The following USP50 variants were observed in gnomAD, a reference collection of about 807,000 sequenced individuals.
The protein encoded by USP50 is ubiquitin specific peptidase 50, also known as ubiquitin carboxyl-terminal hydrolase 50.
In USP50, 37 loss-of-function variants were observed where a neutral mutation model predicts 39.2. That is an observed-to-expected ratio of 0.94 (90% CI 0.73 to 1.24). USP50 has a LOEUF of 1.24. Ranked by LOEUF, USP50 falls within the 50% of genes most tolerant of loss-of-function variation. USP50 has a pLI of 0.00. For missense variants in USP50, 374 were observed against 398.2 expected, an observed-to-expected ratio of 0.94 and a Z score of 0.52; for synonymous variants, 139 against 144.5, an observed-to-expected ratio of 0.96 and a Z score of 0.27.
intron 6 of USP50, chr15:50,506,867 A>G (rs1421951289): frequency 1.4e-5 from 2 of 141,644 alleles, no homozygotes; most frequent in Non-Finnish European, 3.0e-5. Context: ...CTGAGGCAGG[A>G]GAATGGCATG....
chr15:50,525,168 G>A (rs2052878582), intron 6 of USP50, among the ~76,000 whole-genome samples: 1 of 152,134 alleles, frequency 6.6e-6, no homozygotes, highest in African/African-American at 2.4e-5. Context: ...AATAAGCCAG[G>A]CACAGAAAGA....
chr15:50,544,352 A>G (rs538123634), intron 2 of USP50, among the ~76,000 whole-genome samples: 2 of 151,844 alleles, frequency 1.3e-5, no homozygotes, highest in Admixed American at 6.6e-5. Flanking sequence ...ACAGAACGAG[A>G]CCCTGGCTCA....
downstream of USP50, among the ~76,000 whole-genome samples, chr15:50,497,973 T>G (rs1460034044): frequency 1.3e-5 from 2 of 152,198 alleles, no homozygotes; most frequent in Non-Finnish European, 2.9e-5. Context: ...TGTGTAAATT[T>G]TTCTAACAAA....
At chr15:50,524,716 A>C (rs1332982235) in intron 6 of USP50, among the ~76,000 whole-genome samples, 1 of 152,344 alleles carries the variant, frequency 6.6e-6, no homozygotes, top group African/African-American at 2.4e-5. Flanking sequence ...AGATTTAAAC[A>C]ACTAAAACTA....
chr15:50,506,052 T>C (rs1419887826), intron 6 of USP50: 1 of 152,236 alleles, frequency 6.6e-6, no homozygotes, highest in East Asian at 1.9e-4. Context: ...TATAAAGATC[T>C]TGATTAACTT....
chr15:50,539,110 T>TG (rs1289505331), intron 4 of USP50, among the ~76,000 whole-genome samples: 1 of 133,928 alleles, frequency 7.5e-6, no homozygotes, highest in African/African-American at 2.7e-5. Flanking sequence ...TTTTTTTGGT[T>TG]TTGTTTTTTT....
chr15:50,529,097 A>G (rs941822329), intron 6 of USP50, among the ~76,000 whole-genome samples: 3 of 152,122 alleles, frequency 2.0e-5, no homozygotes, highest in Non-Finnish European at 4.4e-5. Context: ...GTCGACTTAG[A>G]ACCATAGGGA....
intron 6 of USP50, among the ~76,000 whole-genome samples, chr15:50,514,593 G>A (rs905551452): frequency 6.6e-6 from 1 of 152,002 alleles, no homozygotes; most frequent in African/African-American, 2.4e-5. Flanking sequence ...GTGCAGCGGC[G>A]CGATCTCGGC....
chr15:50,495,017 T>TAAA (rs34381291), intron 1 of USP50, among the ~76,000 whole-genome samples: 2 of 113,512 alleles, frequency 1.8e-5, no homozygotes, highest in African/African-American at 3.3e-5. Flanking sequence ...AGACTCTTTC[T>TAAA]AAAAAAAAAA....
At chr15:50,542,481 A>ATTTTTTTTTTTTTTTTTTTTTTTTTTT (rs11292495) in intron 3 of USP50, among the ~76,000 whole-genome samples, 2 of 97,396 alleles carry the variant, frequency 2.1e-5, no homozygotes, top group East Asian at 3.1e-4. Context: ...TTTCCTTTTC[A>ATTTTTTTTTTTTTTTTTTTTTTTTTTT]TTTTTTTTTT....
Position 50,542,527 on chromosome 15 carries a change from C to A in USP50, c.444+1071G>T, listed in dbSNP as rs886300994. 5.9e-5 allele frequency among the ~76,000 whole-genome samples: 7 copies of A among 118,444 alleles called. 2 individuals are homozygous for A. The Admixed American group carries it at 8.7e-4, about 15-fold the overall frequency. 77.7% of individuals were successfully genotyped at this position (118,444 alleles called of 152,430 possible). On this transcript the variant is annotated intron_variant, in intron 3 of 6. Transcript: ENST00000532404. ...TCTTGGAGACGGAGTCTTGCTCTGT[C>A]GTCCAGGCTGGAGTGCAGTGGCATG...
intron 6 of USP50, among the ~76,000 whole-genome samples, chr15:50,520,305 C>CTT (rs556404133): frequency 0.18 from 26,570 of 144,652 alleles, 3,089 homozygotes; most frequent in East Asian, 0.46. Flanking sequence ...GAGAGAGACC[C>CTT]TTTTTTTTTT....
intron 2 of USP50, 50 bp from the exon 3 acceptor site, chr15:50,543,843 C>T: frequency 1.3e-6 from 2 of 1,529,152 alleles, no homozygotes; most frequent in East Asian, 2.3e-5. Flanking sequence ...GAAAAGAAGG[C>T]ACCTAATCAC....
At chr15:50,509,003 G>C (rs1200687219) in intron 6 of USP50, 2 of 151,190 alleles carry the variant, frequency 1.3e-5, no homozygotes, top group African/African-American at 4.9e-5. Context: ...GCACGGTGGC[G>C]GGCGCCTGTA....
chr15:50,543,328 C>A (rs893705889), intron 3 of USP50, among the ~76,000 whole-genome samples: 5 of 152,176 alleles, frequency 3.3e-5, no homozygotes, highest in African/African-American at 1.2e-4. Context: ...GCCAAGTAAG[C>A]TTTCCCAAAA....
At chr15:50,528,034 C>T (rs1253785922) in intron 6 of USP50, among the ~76,000 whole-genome samples, 1 of 150,504 alleles carries the variant, frequency 6.6e-6, no homozygotes, top group Non-Finnish European at 1.5e-5. Flanking sequence ...CCTTAATTAA[C>T]CAATAATAGT....
rs1490537415 is a variant in USP50 at position 50,546,486 on chromosome 15, T to C, written c.40A>G (p.Ile14Val). Residue 14 changes from isoleucine to valine, a missense_variant, in exon 1 of 7, where the codon ATC becomes GTC. Ile to Val is a conservative substitution (Grantham distance 29). Coordinates refer to ENST00000532404, the MANE Select transcript of USP50 (RefSeq NM_203494.5). ...ATCAAGGCTCACAGGACGTGGTAGA[T>C]ATCGAAGTCATCTGCAGGGAGAGAC... ...QPSLPADDFDIYHVLAECTDY... is the reference protein window; with the variant it reads ...QPSLPADDFDVYHVLAECTDY... The C allele has an allele frequency of 6.2e-7, 1 of 1,613,710 alleles. No homozygotes were observed. Among genetic ancestry groups the C allele is most frequent in the African/African-American group, 1.3e-5 (1 of 75,064 alleles).
At position 50,546,505 on chromosome 15, in the gene USP50, G is replaced by C. The variant is rs576786337; in HGVS notation, c.21C>G (p.Leu7=). The part of the protein sequence containing the change: MTSQPS[L]PADDFDIYHV... ...GGTAGATATCGAAGTCATCTGCAGGGAGAGACGGCTGAGAAGTCATTTTAA... is the reference window on the plus strand; with the variant it reads ...GGTAGATATCGAAGTCATCTGCAGGCAGAGACGGCTGAGAAGTCATTTTAA... Residue 7 remains leucine (L), a synonymous_variant, in exon 1 of 7, where the codon CTC becomes CTG. Coordinates refer to ENST00000532404, the MANE Select transcript of USP50 (RefSeq NM_203494.5). 3.7e-6 allele frequency: 6 copies of C among 1,613,756 alleles called. No individual in the cohort carries two copies. The East Asian group carries it at 6.7e-5, about 18-fold the overall frequency.
At chr15:50,495,304 GTGTAT>G (rs2052345644) in intron 1 of USP50, among the ~76,000 whole-genome samples, 1 of 55,214 alleles carries the variant, frequency 1.8e-5, no homozygotes, top group African/African-American at 5.0e-5. Flanking sequence ...ACATATATAC[GTGTAT>G]ATATACATAC....
Sources: allele counts gnomAD v4.1 joint callset (sites outside exome capture counted in the v4.1 genomes callset), GRCh38; gene constraint gnomAD v4.1.1; transcripts MANE v1.5; gene names NCBI Gene and HGNC (gene_info 2026-07-23, HGNC 2026-07-21).